The following PPP1R9B variants were observed in gnomAD, a reference collection of about 807,000 sequenced individuals.
The protein encoded by PPP1R9B is protein phosphatase 1 regulatory subunit 9B.
Under a neutral mutation model 75.8 loss-of-function variants are expected in PPP1R9B, and 17 were observed. The ratio of observed to expected loss-of-function variants is 0.22; its 90% CI spans 0.15 to 0.34. The LOEUF is 0.34. PPP1R9B is among the 10% of genes least tolerant of loss of function. The probability of loss-of-function intolerance (pLI) is 1.00; values close to 1 mark genes in which losing one functional copy is unlikely to be tolerated. For missense variants in PPP1R9B, 875 were observed against 1,196.0 expected, an observed-to-expected ratio of 0.73 and a Z score of 3.96; for synonymous variants, 509 against 535.4, an observed-to-expected ratio of 0.95 and a Z score of 0.68.
intron 1 of PPP1R9B, among the ~76,000 whole-genome samples, 200 bp downstream of exon 1, chr17:50,148,943 C>A (rs150598777): frequency 6.6e-6 from 1 of 152,144 alleles, no homozygotes; most frequent in Non-Finnish European, 1.5e-5. Flanking sequence ...CAGGCCACCC[C>A]CCTCGCACAC....
chr17:50,148,214 C>T (rs1480344148), intron 1 of PPP1R9B, among the ~76,000 whole-genome samples: 1 of 152,250 alleles, frequency 6.6e-6, no homozygotes, highest in Non-Finnish European at 1.5e-5. Context: ...GCACAACCCA[C>T]AAACCAACCA....
At chr17:50,144,684 A>C (rs551423676) in intron 2 of PPP1R9B, among the ~76,000 whole-genome samples, 77 of 152,152 alleles carry the variant, frequency 5.1e-4, no homozygotes, top group African/African-American at 1.9e-3. Flanking sequence ...GTCACCTGTT[A>C]AACGCTTTTA....
In PPP1R9B at chr17:50,135,195, G is replaced by A. The variant is rs1912188294; in HGVS notation, c.*136C>T. 1.5e-6 allele frequency: 1 copy of A among 668,988 alleles called. No homozygotes were observed. The highest frequency in any genetic ancestry group is 1.7e-5 in the South Asian group (1 of 57,262). 41.4% of individuals were successfully genotyped at this position (668,988 alleles called of 1,614,324 possible). On this transcript the variant is annotated 3_prime_UTR_variant, in exon 10 of 10. Transcript: ENST00000612501. ...AGCCCTCTGGTCCCTGAAGCTGGGG[G>A]AGGTGGGGTGGAGGGGTGGGGGGAG... is the stretch of plus-strand genomic sequence containing the variant.
At chr17:50,147,708 C>A (rs1354442350) in intron 1 of PPP1R9B, among the ~76,000 whole-genome samples, 2 of 152,010 alleles carry the variant, frequency 1.3e-5, no homozygotes, top group Non-Finnish European at 2.9e-5. Flanking sequence ...ACACTACAGT[C>A]CCCCATTCCC....
rs1266964794 is a variant in PPP1R9B, at chr17:50,142,912, C to T, written c.1625+686G>A. ...TCTAGTCACAGCCTCCTGGCCCCTG[C>T]TCTCTATGCCCCAGCCACACCTGCC... On this transcript the variant is annotated intron_variant, in intron 3 of 9. Coordinates refer to ENST00000612501, the MANE Select transcript of PPP1R9B (RefSeq NM_032595.5). The surrounding 1 kb of genome is among the most constrained non-coding windows in gnomAD (Gnocchi z 4.1). 2.6e-5 allele frequency among the ~76,000 whole-genome samples: 4 copies of T among 152,168 alleles called. No homozygotes were observed. Among genetic ancestry groups the T allele is most frequent in the Non-Finnish European group, 5.9e-5 (4 of 68,036 alleles).
rs1469859178 is a variant in PPP1R9B, at chr17:50,134,528, G to C, written c.*803C>G. 1 of 152,710 alleles carries C rather than the reference G, an allele frequency of 6.5e-6. No homozygotes were observed. The highest frequency in any genetic ancestry group is 1.5e-5 in the Non-Finnish European group (1 of 68,062). The allele number at this position is 152,710 out of a possible 1,614,324, so 9.5% of individuals were successfully genotyped here. The stretch of plus-strand genomic sequence containing the variant: ...GCTTGACCAGGAAACCTGGACCCCA[G>C]AGAGGCCACATAACAGTTCCAAGAC... On this transcript the variant is annotated 3_prime_UTR_variant, in exon 10 of 10. Coordinates refer to ENST00000612501, the MANE Select transcript of PPP1R9B (RefSeq NM_032595.5).
chr17:50,146,047 G>C (rs1912510607), intron 1 of PPP1R9B: 1 of 152,640 alleles, frequency 6.6e-6, no homozygotes, highest in South Asian at 2.1e-4. Context: ...ACTGAGGAGG[G>C]GACAGCCTCT....
chr17:50,139,168 C>T lies in PPP1R9B; in HGVS notation c.2073+95G>A, dbSNP rs1028066625. The T allele has an allele frequency of 1.4e-5, 19 of 1,399,346 alleles. No homozygotes were observed. The highest frequency in any genetic ancestry group is 6.7e-5 in the Admixed American group (4 of 59,658). 86.7% of individuals were successfully genotyped at this position (1,399,346 alleles called of 1,614,324 possible). On this transcript the variant is annotated intron_variant, in intron 7 of 9. Coordinates refer to ENST00000612501, the MANE Select transcript of PPP1R9B (RefSeq NM_032595.5). This position sits in a 1 kb window ranked among gnomAD's most constrained non-coding sequence, Gnocchi z 5.0. Reference sequence around the variant, plus strand: ...CAGCTTGTTCTGTGGGTACCTGTGCCTAAGTGTCAGCATGTGCAGGTGTGA... The same window carrying T: ...CAGCTTGTTCTGTGGGTACCTGTGCTTAAGTGTCAGCATGTGCAGGTGTGA...
In PPP1R9B at chr17:50,142,084, C is replaced by T. The variant is rs1482195316; in HGVS notation, c.1626-711G>A. Among the ~76,000 whole-genome samples, 1 of 152,186 alleles carries T rather than the reference C, an allele frequency of 6.6e-6. No individual in the cohort carries two copies. Among genetic ancestry groups the T allele is most frequent in the South Asian group, 2.1e-4 (1 of 4,834 alleles). ...TCCCCAAGACCGAATGGCACTCTCT[C>T]GAGTTCACACACTGTCCCACACACA... On this transcript the variant is annotated intron_variant, in intron 3 of 9. Transcript: ENST00000612501. The surrounding 1 kb of genome is among the most constrained non-coding windows in gnomAD (Gnocchi z 4.1).
Position 50,149,386 on chromosome 17 carries a change from A to T in PPP1R9B, c.1128T>A (p.Pro376=), listed in dbSNP as rs1041899004. The change falls in exon 1 of 10, where the codon CCT becomes CCA. Residue 376 remains proline (P), a synonymous_variant. Coordinates refer to ENST00000612501, the MANE Select transcript of PPP1R9B (RefSeq NM_032595.5). The surrounding 1 kb of genome is among the most constrained non-coding windows in gnomAD (Gnocchi z 7.2). Reference sequence around the variant, plus strand: ...CCTTCTTGGATTCATCTACCTCCTCAGGGGCCACGTCCGGGGCCCGGCCAT... The same window carrying T: ...CCTTCTTGGATTCATCTACCTCCTCTGGGGCCACGTCCGGGGCCCGGCCAT... ...VGNGRAPDVA[P]EEVDESKKED... 1 of 1,610,754 alleles carries T rather than the reference A, an allele frequency of 6.2e-7. No individual in the cohort carries two copies. Among genetic ancestry groups the T allele is most frequent in the African/African-American group, 1.4e-5 (1 of 74,040 alleles).
At position 50,149,847 on chromosome 17, in the gene PPP1R9B, C is replaced by A; in HGVS notation, c.667G>T (p.Gly223Cys). ...GGGAGCCCGGGCCCGCGGTGGAGGC[C>A]GGTCCTCGAGTCGGCCTTCTCGAAG... ...AVFEKADSRTGLHRGPGLPRA... is the reference protein window; with the variant it reads ...AVFEKADSRTCLHRGPGLPRA... The change falls in exon 1 of 10, where the codon GGC becomes TGC. Residue 223 changes from glycine to cysteine, a missense_variant. Gly to Cys is a radical substitution (Grantham distance 159). Around this residue, in one of 4 missense-constraint regions of PPP1R9B, gnomAD observed 449 missense variants for 475.0 expected, o/e 0.95. Transcript: ENST00000612501. The surrounding 1 kb of genome is among the most constrained non-coding windows in gnomAD (Gnocchi z 7.2). 2 of 1,479,182 alleles carry A rather than the reference C, an allele frequency of 1.4e-6. No individual in the cohort carries two copies. The highest frequency in any genetic ancestry group is 1.3e-5 in the South Asian group (1 of 77,922). 91.6% of individuals were successfully genotyped at this position (1,479,182 alleles called of 1,614,324 possible). A position where few individuals can be genotyped will look rare whatever the true frequency, so the allele number is the denominator to read the frequency against.
intron 3 of PPP1R9B, 103 bp downstream of exon 3, chr17:50,143,495 C>A: frequency 7.0e-7 from 1 of 1,436,020 alleles, no homozygotes; most frequent in Non-Finnish European, 9.5e-7. Flanking sequence ...ACGGAAATCT[C>A]CCAGGGAAGG....
chr17:50,143,551 G>A (rs746485127), intron 3 of PPP1R9B, 47 bp downstream of exon 3: 35 of 1,539,486 alleles, frequency 2.3e-5, no homozygotes, highest in East Asian at 4.9e-5. Flanking sequence ...AAGGATGGCC[G>A]GTCGGAGAGG....
Position 50,149,516 on chromosome 17 carries a change from C to G in PPP1R9B, c.998G>C (p.Ser333Thr). 6.3e-7 allele frequency: 1 copy of G among 1,594,414 alleles called. No homozygotes were observed. Among genetic ancestry groups the G allele is most frequent in the Non-Finnish European group, 8.5e-7 (1 of 1,172,180 alleles). The change falls in exon 1 of 10, where the codon AGC becomes ACC. Residue 333 changes from serine (S) to threonine (T), a missense_variant. By Grantham distance (58) the Ser-to-Thr change is moderately conservative. This residue lies in a region of PPP1R9B where 449 missense variants were observed against 475.0 expected (regional missense o/e 0.95). Coordinates refer to ENST00000612501, the MANE Select transcript of PPP1R9B (RefSeq NM_032595.5). This position sits in a 1 kb window ranked among gnomAD's most constrained non-coding sequence, Gnocchi z 7.2. ...GGGGCTGGCTGCAGTTGCCACGGTG[C>G]TGCCATTCTCCAGGGCCGCGTGGAC... ...VTVHAALENGSTVATAASPAP... is the reference protein window; with the variant it reads ...VTVHAALENGTTVATAASPAP...
In PPP1R9B at chr17:50,139,042, G is replaced by C. The variant is rs376345733; in HGVS notation, c.2073+221C>G. 6.6e-6 allele frequency among the ~76,000 whole-genome samples: 1 copy of C among 152,254 alleles called. No individual in the cohort carries two copies. The highest frequency in any genetic ancestry group is 2.4e-5 in the African/African-American group (1 of 41,462). ...GGTGCTATTACGACCTCATTTTATA[G>C]ATGAGGAGGCTGAGGCACAGAGAAG... On this transcript the variant is annotated intron_variant, in intron 7 of 9. Coordinates refer to ENST00000612501, the MANE Select transcript of PPP1R9B (RefSeq NM_032595.5). This position sits in a 1 kb window ranked among gnomAD's most constrained non-coding sequence, Gnocchi z 5.0.
chr17:50,150,306 GC>G lies in PPP1R9B; in HGVS notation c.207del (p.Ser71ArgfsTer31). The G allele has an allele frequency of 7.0e-7, 1 of 1,436,818 alleles. No homozygotes were observed. The highest frequency in any genetic ancestry group is 9.2e-7 in the Non-Finnish European group (1 of 1,092,308). The allele number at this position is 1,436,818 out of a possible 1,614,324, so 89.0% of individuals were successfully genotyped here. The stretch of plus-strand genomic sequence containing the variant: ...GCGCCGCCGCCCGCCTCGCCCGAGG[GC>G]CCCGCCGTCGTGCCCATCTGCAGGA... The part of the protein sequence containing the change: ...SMFLQMGTTA[G>X]PSGEAGGGAG... On this transcript the variant is annotated frameshift_variant, in exon 1 of 10. Transcript: ENST00000612501. LOFTEE classifies it high-confidence loss of function. The surrounding 1 kb of genome is among the most constrained non-coding windows in gnomAD (Gnocchi z 8.7).
intron 7 of PPP1R9B, among the ~76,000 whole-genome samples, chr17:50,138,300 G>A (rs941130734): frequency 2.6e-5 from 4 of 152,262 alleles, no homozygotes; most frequent in Non-Finnish European, 4.4e-5. Flanking sequence ...TGGTCTGATC[G>A]ATGGCCATGC....
At position 50,150,033 on chromosome 17, in the gene PPP1R9B, C is replaced by T. The variant is rs745764337; in HGVS notation, c.481G>A (p.Gly161Ser). 1 of 1,469,672 alleles carries T rather than the reference C, an allele frequency of 6.8e-7. No individual in the cohort carries two copies. The highest frequency in any genetic ancestry group is 1.3e-5 in the South Asian group (1 of 76,344). The allele number at this position is 1,469,672 out of a possible 1,614,324, so 91.0% of individuals were successfully genotyped here. A position where few individuals can be genotyped will look rare whatever the true frequency, so the allele number is the denominator to read the frequency against. The change falls in exon 1 of 10, where the codon GGC (glycine) becomes AGC (serine). Residue 161 changes from glycine (G) to serine (S), a missense_variant. By Grantham distance (56) the Gly-to-Ser change is moderately conservative. This residue lies in a region of PPP1R9B where 449 missense variants were observed against 475.0 expected (regional missense o/e 0.95). Transcript: ENST00000612501. This position sits in a 1 kb window ranked among gnomAD's most constrained non-coding sequence, Gnocchi z 8.7. ...CGCCGCGCCGCGGCCTCCTTGTCGC[C>T]GCCTGCGGCCGCTGGGGCGCTCCGT... ...FERSAPAAAG[G>S]DKEAAARRLL...
At chr17:50,141,820 G>A (rs1320732788) in intron 3 of PPP1R9B, among the ~76,000 whole-genome samples, 2 of 152,210 alleles carry the variant, frequency 1.3e-5, no homozygotes, top group Non-Finnish European at 2.9e-5. Flanking sequence ...TGTGGGCAGT[G>A]AGAGCCAGGC....
Sources: allele counts gnomAD v4.1 joint callset (sites outside exome capture counted in the v4.1 genomes callset), GRCh38; gene constraint gnomAD v4.1.1; regional missense constraint gnomAD v4.1.1; non-coding constraint Gnocchi (gnomAD v3.1); transcripts MANE v1.5; gene names NCBI Gene and HGNC (gene_info 2026-07-23, HGNC 2026-07-21).